MPP7: variants seen among roughly 807,000 people sequenced by gnomAD.
MPP7 encodes MAGUK p55 scaffold protein 7.
In MPP7, 60 loss-of-function variants were observed where a neutral mutation model predicts 76.5. The ratio of observed to expected loss-of-function variants is 0.78; its 90% CI spans 0.64 to 0.97. The LOEUF is 0.97. Ranked by LOEUF, MPP7 falls within the 50% of genes least tolerant of loss-of-function variation. The pLI is 0.00. For synonymous variants in MPP7, 237 were observed against 244.5 expected (o/e 0.97, Z 0.29); for missense variants, 641 against 694.0 (o/e 0.92, Z 0.86).
chr10:28,319,539 A>G (rs938559468), intron 2 of MPP7, among the ~76,000 whole-genome samples: 1 of 151,982 alleles, frequency 6.6e-6, no homozygotes, highest in African/African-American at 2.4e-5. Context: ...TTAGCCCAGC[A>G]TGGTGGTCTG....
At position 28,069,754 on chromosome 10, in the gene MPP7, G is replaced by A. The variant is rs1852146185; in HGVS notation, c.1204+18C>T. ...TCGTAAGTGTAGTCATAGGAACACT[G>A]AGTAGCGCAGAACTCACGGGGCACT... On this transcript the variant is annotated intron_variant, in intron 13 of 16. Coordinates refer to ENST00000683449, the MANE Select transcript of MPP7 (RefSeq NM_001318170.2). 3 of 1,595,478 alleles carry A rather than the reference G, an allele frequency of 1.9e-6. No individual in the cohort carries two copies. Among genetic ancestry groups the A allele is most frequent in the African/African-American group, 2.7e-5 (2 of 74,490 alleles).
At position 28,120,211 on chromosome 10, in the gene MPP7, T is replaced by C. The variant is rs745660970; in HGVS notation, c.870A>G (p.Ser290=). ...CAGCTCACCTTTCCTGGAAATGCTT[T>C]GAGGGGATCAAGCCTGCCCTGGGGT... ...DANPRAGLIP[S]KHFQERRLAL... Residue 290 remains serine (S), a synonymous_variant, in exon 10 of 17, where the codon TCA becomes TCG. Coordinates refer to ENST00000683449, the MANE Select transcript of MPP7 (RefSeq NM_001318170.2). 3 of 1,613,826 alleles carry C rather than the reference T, an allele frequency of 1.9e-6. No homozygotes were observed. Among genetic ancestry groups the C allele is most frequent in the Admixed American group, 3.3e-5 (2 of 59,974 alleles).
At chr10:28,325,412 AG>A (rs1415387437) in intron 2 of MPP7, among the ~76,000 whole-genome samples, 1 of 152,074 alleles carries the variant, frequency 6.6e-6, no homozygotes, top group Non-Finnish European at 1.5e-5. Flanking sequence ...GCACTTTGGA[AG>A]GCAGAGGCAG....
chr10:28,287,170 T>C (rs1056566031), intron 1 of MPP7, among the ~76,000 whole-genome samples: 1 of 152,214 alleles, frequency 6.6e-6, no homozygotes, highest in Admixed American at 6.5e-5. Context: ...AACTGACCTA[T>C]TTGTTGCCAA....
intron 1 of MPP7, among the ~76,000 whole-genome samples, chr10:28,331,685 G>C (rs187758871): frequency 6.6e-6 from 1 of 152,072 alleles, no homozygotes; most frequent in East Asian, 1.9e-4. Context: ...AGCGATTCTT[G>C]TGCTTCAGTT....
intron 3 of MPP7, among the ~76,000 whole-genome samples, chr10:28,161,010 G>T (rs1267200773): frequency 2.6e-5 from 4 of 152,124 alleles, no homozygotes; most frequent in African/African-American, 4.8e-5. Context: ...TGCCTTTCAT[G>T]CTTTTCATGC....
intron 13 of MPP7, among the ~76,000 whole-genome samples, chr10:28,065,754 T>C (rs1464319888): frequency 1.3e-5 from 2 of 152,126 alleles, no homozygotes; most frequent in African/African-American, 4.8e-5. Flanking sequence ...TCAAGTGAAG[T>C]ATTGTATGGA....
intron 12 of MPP7, among the ~76,000 whole-genome samples, chr10:28,089,084 G>A (rs1190105453): frequency 6.6e-6 from 1 of 151,898 alleles, no homozygotes; most frequent in African/African-American, 2.4e-5. Context: ...TGTAGAGATG[G>A]GGCTTCACTG....
intron 2 of MPP7, among the ~76,000 whole-genome samples, chr10:28,208,984 T>C (rs1158311565): frequency 1.3e-5 from 2 of 151,970 alleles, no homozygotes; most frequent in Non-Finnish European, 2.9e-5. Flanking sequence ...GAGACCTGTT[T>C]GTTTAAGTGT....
At chr10:28,166,238 A>G (rs1836452282) in intron 3 of MPP7, among the ~76,000 whole-genome samples, 1 of 151,968 alleles carries the variant, frequency 6.6e-6, no homozygotes, top group African/African-American at 2.4e-5. Flanking sequence ...CATTTTGCAT[A>G]TTAATAAGTT....
intron 12 of MPP7, among the ~76,000 whole-genome samples, chr10:28,073,243 C>T (rs902616133): frequency 2.0e-5 from 3 of 152,148 alleles, no homozygotes; most frequent in East Asian, 3.9e-4. Flanking sequence ...CCTAAACATT[C>T]TTCAGATCTA....
chr10:28,200,446 G>A (rs1267289949), intron 3 of MPP7, among the ~76,000 whole-genome samples: 1 of 152,134 alleles, frequency 6.6e-6, no homozygotes, highest in Non-Finnish European at 1.5e-5. Context: ...TCGCTCCACT[G>A]TTTTTATGAA....
chr10:28,122,997 AATTT>A (rs1834893099), intron 8 of MPP7, among the ~76,000 whole-genome samples: 1 of 151,332 alleles, frequency 6.6e-6, no homozygotes, highest in African/African-American at 2.4e-5. Context: ...ATTTGTTGGG[AATTT>A]ATTTTTATGT....
chr10:28,057,375 C>T (rs1021670602), intron 15 of MPP7, among the ~76,000 whole-genome samples: 12 of 152,084 alleles, frequency 7.9e-5, no homozygotes, highest in African/African-American at 2.9e-4. Context: ...ACACCATCCC[C>T]CTTGGTGCTG....
At chr10:28,321,210 C>A (rs57170335) in intron 2 of MPP7, among the ~76,000 whole-genome samples, 1 of 152,070 alleles carries the variant, frequency 6.6e-6, no homozygotes, top group Non-Finnish European at 1.5e-5. Context: ...ATATTTGGGG[C>A]ATATTGTTCT....
At chr10:28,171,353 C>A (rs1488209472) in intron 3 of MPP7, among the ~76,000 whole-genome samples, 1 of 152,132 alleles carries the variant, frequency 6.6e-6, no homozygotes, top group Non-Finnish European at 1.5e-5. Context: ...TTTCTCTCTG[C>A]CACCTTTACT....
chr10:28,241,667 G>A (rs527745693), intron 1 of MPP7, among the ~76,000 whole-genome samples: 8 of 152,040 alleles, frequency 5.3e-5, no homozygotes, highest in South Asian at 2.1e-4. Flanking sequence ...AGGGATTACC[G>A]AATATTCTTA....
intron 2 of MPP7, among the ~76,000 whole-genome samples, chr10:28,223,487 AT>A (rs896781499): frequency 6.6e-6 from 1 of 152,190 alleles, no homozygotes; most frequent in Non-Finnish European, 1.5e-5. Context: ...TCATTCCATC[AT>A]CGTTGCATAA....
chr10:28,173,228 A>C (rs1043460894), intron 3 of MPP7, among the ~76,000 whole-genome samples: 47 of 122,832 alleles, frequency 3.8e-4, no homozygotes, highest in African/African-American at 1.2e-3. Context: ...AGTAGCGATG[A>C]AAAAAAAAAA....
Sources: allele counts gnomAD v4.1 joint callset (sites outside exome capture counted in the v4.1 genomes callset), GRCh38; gene constraint gnomAD v4.1.1; transcripts MANE v1.5; gene names NCBI Gene and HGNC (gene_info 2026-07-23, HGNC 2026-07-21).